C2CD3: variants seen among roughly 807,000 people sequenced by gnomAD.
The protein encoded by C2CD3 is C2 domain containing 3 centriole elongation regulator.
Under a neutral mutation model 234.0 loss-of-function variants are expected in C2CD3, and 148 were observed. The observed-to-expected ratio is 0.63, with a 90% CI of 0.55 to 0.72. The LOEUF is 0.72. Among genes scored for constraint, C2CD3 ranks in the 30% least tolerant of loss-of-function variants. The pLI is 0.00. For synonymous variants in C2CD3, 1,000 were observed against 1,035.4 expected (o/e 0.97, Z 0.66); for missense variants, 2,577 against 2,811.5 (o/e 0.92, Z 1.89).
intron 3 of C2CD3, among the ~76,000 whole-genome samples, chr11:74,149,406 GC>G: frequency 6.6e-6 from 1 of 152,042 alleles, no homozygotes. Flanking sequence ...TTGCCATGTT[GC>G]CCAGGCTGAA....
At chr11:74,142,953 A>C (rs1165743325) in intron 3 of C2CD3, among the ~76,000 whole-genome samples, 2 of 152,152 alleles carry the variant, frequency 1.3e-5, no homozygotes, top group Non-Finnish European at 2.9e-5. Flanking sequence ...ACTTTAATGA[A>C]ACATTTTTTT....
Position 74,013,289 on chromosome 11 carries a change from AG to A in C2CD3, c.*95del. ...CAAGTGGTGGTTTCAGGACTGTGAC[AG>A]CCCTGAAGGAGCCAGACCTGGTGCC... On this transcript the variant is annotated 3_prime_UTR_variant, in exon 33 of 33. Transcript: ENST00000334126. 1.4e-5 allele frequency: 6 copies of A among 441,182 alleles called. No homozygotes were observed. Among genetic ancestry groups the A allele is most frequent in the Non-Finnish European group, 2.4e-5 (6 of 249,996 alleles). The allele number at this position is 441,182 out of a possible 1,614,324, so 27.3% of individuals were successfully genotyped here. A position where few individuals can be genotyped will look rare whatever the true frequency, so the allele number is the denominator to read the frequency against.
At chr11:74,066,192 C>G (rs528975073) in intron 24 of C2CD3, among the ~76,000 whole-genome samples, 2 of 136,718 alleles carry the variant, frequency 1.5e-5, no homozygotes, top group South Asian at 4.5e-4. Context: ...CAAACTATCT[C>G]AAGGACAGAA....
rs767683261 is a variant in C2CD3, at chr11:74,042,074, G to A, written c.5640C>T (p.Thr1880=). The A allele has an allele frequency of 1.3e-5, 21 of 1,613,936 alleles. 1 individual carries two copies. The South Asian group carries it at 1.3e-4, about 10-fold the overall frequency. ...KLTTSPLSSQ[T]SILTSLRKNL... is the part of the protein sequence containing the mutation. ...CTCACCTGAGAGAAGTCAGAATGGAGGTTTGGGAGGACAAAGGTGATGTGG... is the reference window on the plus strand; with the variant it reads ...CTCACCTGAGAGAAGTCAGAATGGAAGTTTGGGAGGACAAAGGTGATGTGG... The change falls in exon 29 of 33, where the codon ACC becomes ACT. Residue 1880 remains threonine (T), a synonymous_variant. Transcript: ENST00000334126.
rs754791457 is a variant in C2CD3 at position 74,168,502 on chromosome 11, G to C, written c.167C>G (p.Pro56Arg). 4 of 1,614,030 alleles carry C rather than the reference G, an allele frequency of 2.5e-6. No homozygotes were observed. In the African/African-American group the frequency reaches 5.3e-5, roughly 22 times the overall value. ...TCTCACTCGGACAAGTACACAAGTG[G>C]GAGGCTTTGCAATCTTCCATATGAC... ...NRVIWKIAKP[P>R]TCVLVRVRWW... The change falls in exon 2 of 33, where the codon CCC (proline) becomes CGC (arginine). Residue 56 changes from proline (P) to arginine (R), a missense_variant. Coordinates refer to ENST00000334126, the MANE Select transcript of C2CD3 (RefSeq NM_001286577.2).
In C2CD3 at chr11:74,116,975, C is replaced by T. The variant is rs370211496; in HGVS notation, c.1520+1253G>A. Among the ~76,000 whole-genome samples the T allele has an allele frequency of 8.5e-4, 60 of 70,766 alleles. 1 individual carries two copies. Among genetic ancestry groups the T allele is most frequent in the Non-Finnish European group, 1.9e-3 (50 of 26,232 alleles). 46.4% of individuals were successfully genotyped at this position (70,766 alleles called of 152,430 possible). The stretch of plus-strand genomic sequence containing the variant: ...ATATATGTGTATATACACATATACA[C>T]GTATATATACACATATACGTGTATA... On this transcript the variant is annotated intron_variant, in intron 9 of 32. Coordinates refer to ENST00000334126, the MANE Select transcript of C2CD3 (RefSeq NM_001286577.2).
rs749968410 is a variant in C2CD3 at position 74,048,333 on chromosome 11, T to G, written c.5367A>C (p.Pro1789=). The stretch of plus-strand genomic sequence containing the variant: ...CAGGGAAGGAAAAGGGACTGTATAT[T>G]GGGATCTGTAAACACAACAAGAAAA... ...RGVETSKSLI[P]IYSPFSFPAS... is the part of the protein sequence containing the mutation. Residue 1789 remains proline, a synonymous_variant, in exon 28 of 33, where the codon CCA becomes CCC. Transcript: ENST00000334126. 6.2e-7 allele frequency: 1 copy of G among 1,613,560 alleles called. No homozygotes were observed. The highest frequency in any genetic ancestry group is 8.5e-7 in the Non-Finnish European group (1 of 1,179,628).
chr11:74,020,940 G>C (rs1952059775), intron 32 of C2CD3, among the ~76,000 whole-genome samples: 1 of 152,202 alleles, frequency 6.6e-6, no homozygotes, highest in Admixed American at 6.5e-5. Context: ...TGAGGAGCAA[G>C]GGAAGCAGCA....
At chr11:74,151,820 C>T (rs1162887519) in intron 3 of C2CD3, among the ~76,000 whole-genome samples, 1 of 151,806 alleles carries the variant, frequency 6.6e-6, no homozygotes, top group African/African-American at 2.4e-5. Flanking sequence ...CATATAGATG[C>T]TCCTAATGCT....
chr11:74,039,098 T>A (rs1040466783), intron 29 of C2CD3, among the ~76,000 whole-genome samples: 1 of 152,236 alleles, frequency 6.6e-6, no homozygotes, highest in Non-Finnish European at 1.5e-5. Context: ...GGTGTCTATA[T>A]CGTGGTATAT....
intron 20 of C2CD3, among the ~76,000 whole-genome samples, chr11:74,087,743 C>T (rs145897691): frequency 2.0e-3 from 312 of 152,254 alleles, no homozygotes; most frequent in African/African-American, 6.9e-3. Flanking sequence ...TTCACTCATT[C>T]AGTCGTTATT....
At chr11:74,096,932 G>C (rs976075606) in intron 16 of C2CD3, among the ~76,000 whole-genome samples, 3 of 152,088 alleles carry the variant, frequency 2.0e-5, no homozygotes, top group Non-Finnish European at 2.9e-5. Context: ...ATCACTTGAG[G>C]TTAGGAGTTC....
At chr11:74,101,034 T>C (rs1956295352) in intron 14 of C2CD3, among the ~76,000 whole-genome samples, 2 of 152,238 alleles carry the variant, frequency 1.3e-5, no homozygotes. Context: ...GAAAGAAAGA[T>C]GTTTTTGAAA....
rs145859522 is a variant in C2CD3 at position 74,103,351 on chromosome 11, G to A, written c.2360C>T (p.Ser787Phe). 315 of 1,614,092 alleles carry A rather than the reference G, an allele frequency of 2.0e-4. 1 individual carries two copies. Among genetic ancestry groups the A allele is most frequent in the Non-Finnish European group, 2.6e-4 (303 of 1,180,054 alleles). Residue 787 changes from serine to phenylalanine, a missense_variant, in exon 14 of 33, where the codon TCC (serine) becomes TTC (phenylalanine). Ser to Phe is a radical substitution (Grantham distance 155). Transcript: ENST00000334126. ...HPSTFVATPASHNLVNQTNGT... is the reference protein window; with the variant it reads ...HPSTFVATPAFHNLVNQTNGT... ...ATTTGTCTGATTGACTAAATTATGG[G>A]AGGCTGGCGTAGCTACGAAGGTTGA...
chr11:74,128,665 T>C (rs1957501176), intron 7 of C2CD3: 1 of 151,838 alleles, frequency 6.6e-6, no homozygotes, highest in Non-Finnish European at 1.5e-5. Flanking sequence ...CAAAGGTCTC[T>C]GGTTTTCCTA....
At chr11:74,032,332 C>T (rs1412656287) in intron 31 of C2CD3, among the ~76,000 whole-genome samples, 2 of 152,134 alleles carry the variant, frequency 1.3e-5, no homozygotes, top group Non-Finnish European at 2.9e-5. Flanking sequence ...ACCTGCCAGC[C>T]GTACAATATT....
chr11:74,145,927 C>CT (rs1855154003), intron 3 of C2CD3, among the ~76,000 whole-genome samples: 1 of 152,136 alleles, frequency 6.6e-6, no homozygotes, highest in South Asian at 2.1e-4. Context: ...AAATAAAATG[C>CT]TTTAAATTTG....
intron 30 of C2CD3, chr11:74,034,679 T>G: frequency 7.9e-7 from 1 of 1,267,612 alleles, no homozygotes; most frequent in South Asian, 1.2e-5. Flanking sequence ...CTACCTATTT[T>G]ACTTCGAAAA....
intron 5 of C2CD3, among the ~76,000 whole-genome samples, chr11:74,137,550 T>TAC (rs2135542076): frequency 6.8e-6 from 1 of 147,422 alleles, no homozygotes; most frequent in Admixed American, 6.7e-5. Flanking sequence ...TATATATATA[T>TAC]ACTTTTTTTT....
Sources: allele counts gnomAD v4.1 joint callset (sites outside exome capture counted in the v4.1 genomes callset), GRCh38; gene constraint gnomAD v4.1.1; transcripts MANE v1.5; gene names NCBI Gene and HGNC (gene_info 2026-07-23, HGNC 2026-07-21).